Variants in NRXN1 observed in about 807,000 individuals in gnomAD.
NRXN1 encodes neurexin 1.
Under a neutral mutation model 150.9 loss-of-function variants are expected in NRXN1, and 39 were observed. That is an observed-to-expected ratio of 0.26 (90% CI 0.20 to 0.34). NRXN1 has a LOEUF of 0.34. Ranked by LOEUF, NRXN1 falls within the 10% of genes least tolerant of loss-of-function variation. NRXN1 has a pLI of 1.00. For missense variants in NRXN1, 1,815 were observed against 1,949.9 expected (o/e 0.93, Z 1.30); for synonymous variants, 924 against 757.0 (o/e 1.22, Z -3.62).
At chr2:50,161,539 G>A (rs1350915557) in intron 18 of NRXN1, among the ~76,000 whole-genome samples, 3 of 152,144 alleles carry the variant, frequency 2.0e-5, no homozygotes, top group South Asian at 4.1e-4. Context: ...AACAGCTAAA[G>A]CAGACTGGGA....
chr2:50,611,437 A>G (rs1013862114), intron 8 of NRXN1, among the ~76,000 whole-genome samples: 4 of 152,162 alleles, frequency 2.6e-5, no homozygotes, highest in Middle Eastern at 3.2e-3. Context: ...ATTCCAGACA[A>G]GAACTCACCA....
intron 19 of NRXN1, among the ~76,000 whole-genome samples, chr2:50,073,793 A>T (rs1462567385): frequency 6.6e-6 from 1 of 152,230 alleles, no homozygotes; most frequent in Non-Finnish European, 1.5e-5. Flanking sequence ...GAGTTTGAGC[A>T]TTCTGATTAG....
intron 22 of NRXN1, among the ~76,000 whole-genome samples, chr2:49,928,440 G>C (rs1405686027): frequency 6.6e-6 from 1 of 152,068 alleles, no homozygotes; most frequent in Non-Finnish European, 1.5e-5. Flanking sequence ...GTTCTATACT[G>C]TGTCTAATAG....
At chr2:50,317,241 G>A (rs2152969967) in intron 17 of NRXN1, among the ~76,000 whole-genome samples, 1 of 151,980 alleles carries the variant, frequency 6.6e-6, no homozygotes, top group East Asian at 1.9e-4. Context: ...TGATTAATTA[G>A]ACAAATCCTA....
intron 18 of NRXN1, chr2:50,105,275 T>G (rs1701482926): frequency 6.6e-6 from 1 of 152,044 alleles, no homozygotes; most frequent in African/African-American, 2.4e-5. Flanking sequence ...TCCAGTTGTT[T>G]AGAACTGCTA....
chr2:50,043,438 G>C (rs1691324853), intron 21 of NRXN1, among the ~76,000 whole-genome samples: 1 of 152,022 alleles, frequency 6.6e-6, no homozygotes, highest in Non-Finnish European at 1.5e-5. Flanking sequence ...AGTCAGACTT[G>C]GTAATGTCAC....
chr2:50,584,480 T>G (rs922066858), intron 8 of NRXN1, among the ~76,000 whole-genome samples: 6 of 152,188 alleles, frequency 3.9e-5, no homozygotes, highest in Admixed American at 2.6e-4. Flanking sequence ...CTACCAACCA[T>G]CTATCTTTTT....
At chr2:50,883,994 C>A (rs1036984233) in intron 5 of NRXN1, among the ~76,000 whole-genome samples, 1 of 151,718 alleles carries the variant, frequency 6.6e-6, no homozygotes, top group African/African-American at 2.4e-5. Flanking sequence ...TTGCTAAACA[C>A]ATGTGTGCAC....
chr2:50,206,184 A>G (rs1233515824), intron 18 of NRXN1, among the ~76,000 whole-genome samples: 1 of 151,888 alleles, frequency 6.6e-6, no homozygotes, highest in Non-Finnish European at 1.5e-5. Context: ...TGAATTCATT[A>G]AACACTTATA....
At chr2:50,129,738 C>T (rs1415948024) in intron 18 of NRXN1, among the ~76,000 whole-genome samples, 4 of 152,102 alleles carry the variant, frequency 2.6e-5, no homozygotes, top group Non-Finnish European at 5.9e-5. Context: ...CTATTTAGAG[C>T]CATGTTAGAA....
At chr2:50,401,949 C>T (rs572970414) in intron 17 of NRXN1, among the ~76,000 whole-genome samples, 1 of 152,116 alleles carries the variant, frequency 6.6e-6, no homozygotes, top group East Asian at 1.9e-4. Context: ...ACCTCTCTTC[C>T]CCTATTGACC....
chr2:50,859,530 C>G (rs1675790025), intron 5 of NRXN1, among the ~76,000 whole-genome samples: 1 of 151,038 alleles, frequency 6.6e-6, no homozygotes, highest in Admixed American at 6.6e-5. Flanking sequence ...GAGATGTCTC[C>G]TAAGTCTTTT....
chr2:50,518,285 GC>G (rs1483134689), intron 12 of NRXN1, among the ~76,000 whole-genome samples: 1 of 151,792 alleles, frequency 6.6e-6, no homozygotes, highest in East Asian at 1.9e-4. Flanking sequence ...AATAAAATAA[GC>G]CTAATACAAT....
At chr2:50,024,630 T>A (rs1043519880) in intron 21 of NRXN1, among the ~76,000 whole-genome samples, 1 of 152,110 alleles carries the variant, frequency 6.6e-6, no homozygotes, top group Non-Finnish European at 1.5e-5. Flanking sequence ...CTTTTTTTTT[T>A]TGGAGACGAA....
At position 50,697,191 on chromosome 2, in the gene NRXN1, T is replaced by G. The variant is rs113029622; in HGVS notation, c.833-73576A>C. The stretch of plus-strand genomic sequence containing the variant: ...ACAGGGAATATTTTGCACACGTAAT[T>G]CTGAGTGTTATATTTTTAGCTTGTA... On this transcript the variant is annotated intron_variant, in intron 5 of 22. Transcript: ENST00000401669. Among the ~76,000 whole-genome samples the G allele has an allele frequency of 8.0e-3, 1,225 of 152,308 alleles. 25 individuals carry two copies. The highest frequency in any genetic ancestry group is 0.026 in the African/African-American group (1,090 of 41,554).
intron 5 of NRXN1, among the ~76,000 whole-genome samples, chr2:50,865,657 A>ATTTT (rs1559368492): frequency 1.0e-4 from 4 of 39,902 alleles, no homozygotes; most frequent in Non-Finnish European, 3.3e-4. Flanking sequence ...AGCATTTGAA[A>ATTTT]GTTTTTTTTT....
intron 9 of NRXN1, among the ~76,000 whole-genome samples, chr2:50,551,071 AGAAGAGGAGGAG>A (rs1558922460): frequency 3.8e-5 from 5 of 131,030 alleles, no homozygotes; most frequent in African/African-American, 1.2e-4. Context: ...AAGAAGAAGA[AGAAGAGGAGGAG>A]GAGGAGGAGG....
In NRXN1 at chr2:50,705,049, A is replaced by AACACAC. The variant is rs10679163; in HGVS notation, c.833-81440_833-81435dup. The stretch of plus-strand genomic sequence containing the variant: ...TTTACAATATATACACAGAAACACA[A>AACACAC]ACACACACACACACACACACACACA... On this transcript the variant is annotated intron_variant, in intron 5 of 22. Transcript: ENST00000401669. Among the ~76,000 whole-genome samples the AACACAC allele has an allele frequency of 6.0e-3, 878 of 145,824 alleles. 1 individual carries two copies. The highest frequency in any genetic ancestry group is 0.018 in the African/African-American group (720 of 39,754).
At chr2:50,739,595 T>C (rs993059341) in intron 5 of NRXN1, among the ~76,000 whole-genome samples, 25 of 152,292 alleles carry the variant, frequency 1.6e-4, no homozygotes, top group Admixed American at 1.2e-3. Flanking sequence ...CAAGCTTTTA[T>C]CGGCTACTTA....
Sources: gnomAD v4.1 joint callset for allele counts (sites outside exome capture counted in the v4.1 genomes callset) on GRCh38, gnomAD v4.1.1 for gene constraint, MANE v1.5 for transcripts, NCBI Gene and HGNC (gene_info 2026-07-23, HGNC 2026-07-21) for gene names.